Variants in RAB10 observed in about 807,000 individuals in gnomAD.
The protein encoded by RAB10 is RAB10, member RAS oncogene family, also known as ras-related protein Rab-10.
In RAB10, 5 loss-of-function variants were observed where a neutral mutation model predicts 25.7. The ratio of observed to expected loss-of-function variants is 0.19; its 90% CI spans 0.10 to 0.41. RAB10 has a LOEUF of 0.41. Among genes scored for constraint, RAB10 ranks in the 10% least tolerant of loss-of-function variants. The pLI, the probability that RAB10 is intolerant of heterozygous loss-of-function variation, is 1.00. For missense variants in RAB10, 103 were observed against 245.8 expected (o/e 0.42, Z 3.89); for synonymous variants, 89 against 86.4 (o/e 1.03, Z -0.16).
At chr2:26,092,284 TG>T (rs1226939495) in intron 1 of RAB10, among the ~76,000 whole-genome samples, 1,096 of 108,886 alleles carry the variant, frequency 0.01, 23 homozygotes, top group African/African-American at 0.042. Context: ...TGTGTGTGTG[TG>T]TGTGTGTGTG....
rs553417998 is a variant in RAB10, at chr2:26,107,222, G to A, written c.189-2546G>A. Among the ~76,000 whole-genome samples the A allele has an allele frequency of 6.8e-5, 10 of 147,694 alleles. 1 individual carries two copies. In the South Asian group the frequency reaches 2.1e-3, roughly 32 times the overall value. On this transcript the variant is annotated intron_variant, in intron 2 of 5. Coordinates refer to ENST00000264710, the MANE Select transcript of RAB10 (RefSeq NM_016131.5). ...GATCGTGCCACTACACTCCAGCCTG[G>A]GCAACAGAGCGACACCCTGTTTCAA...
At chr2:26,084,184 A>G (rs764365633) in intron 1 of RAB10, among the ~76,000 whole-genome samples, 3 of 152,200 alleles carry the variant, frequency 2.0e-5, no homozygotes, top group East Asian at 1.9e-4. Context: ...TCTTTGCTCA[A>G]ATATCTCTCA....
chr2:26,052,583 A>G (rs780564026), intron 1 of RAB10, among the ~76,000 whole-genome samples: 4 of 151,640 alleles, frequency 2.6e-5, no homozygotes, highest in Non-Finnish European at 5.9e-5. Context: ...ACCTGCCTCG[A>G]ATCTGGGGAG....
chr2:26,117,092 AC>A, intron 3 of RAB10, among the ~76,000 whole-genome samples: 1 of 152,304 alleles, frequency 6.6e-6, no homozygotes, highest in East Asian at 1.9e-4. Context: ...TAGTAGTATT[AC>A]TTGGCATATG....
chr2:26,040,487 C>T (rs1305171715), intron 1 of RAB10, among the ~76,000 whole-genome samples: 1 of 151,912 alleles, frequency 6.6e-6, no homozygotes, highest in Non-Finnish European at 1.5e-5. Context: ...AACATAGACC[C>T]CATCTCTGCA....
chr2:26,125,424 C>A (rs1234342653), intron 3 of RAB10, among the ~76,000 whole-genome samples: 3 of 146,544 alleles, frequency 2.0e-5, no homozygotes, highest in Non-Finnish European at 3.0e-5. Context: ...CTATTCAAAT[C>A]CTTTGCTTGC....
At chr2:26,084,591 G>A (rs1045757851) in intron 1 of RAB10, among the ~76,000 whole-genome samples, 1 of 152,170 alleles carries the variant, frequency 6.6e-6, no homozygotes, top group East Asian at 1.9e-4. Flanking sequence ...GATTGCAGCA[G>A]TATGTCCCAG....
intron 3 of RAB10, among the ~76,000 whole-genome samples, chr2:26,112,135 C>A (rs1228887437): frequency 6.6e-6 from 1 of 152,232 alleles, no homozygotes; most frequent in Non-Finnish European, 1.5e-5. Context: ...TACGCCACCT[C>A]TCCCAGCACC....
At position 26,116,550 on chromosome 2, in the gene RAB10, T is replaced by G. The variant is rs796123958; in HGVS notation, c.327+6644T>G. 3.1e-3 allele frequency among the ~76,000 whole-genome samples: 23 copies of G among 7,352 alleles called. No individual in the cohort carries two copies. The South Asian group carries it at 0.047, about 15-fold the overall frequency. The allele number at this position is 7,352 out of a possible 152,430, so 4.8% of individuals were successfully genotyped here. ...TCTTTTCTTTCTTTCTGTCTTGTGT[T>G]TTTTTTTTTTTTTTTTTTTTTTTTG... On this transcript the variant is annotated intron_variant, in intron 3 of 5. Coordinates refer to ENST00000264710, the MANE Select transcript of RAB10 (RefSeq NM_016131.5).
intron 1 of RAB10, among the ~76,000 whole-genome samples, chr2:26,085,057 A>C (rs1042044176): frequency 6.6e-6 from 1 of 152,210 alleles, no homozygotes; most frequent in Non-Finnish European, 1.5e-5. Flanking sequence ...AGAATTTTTC[A>C]GTATCAAGGA....
Position 26,088,389 on chromosome 2 carries a change from A to G in RAB10, c.128-10273A>G, listed in dbSNP as rs75814238. Among the ~76,000 whole-genome samples, 952 of 152,302 alleles carry G rather than the reference A, an allele frequency of 6.3e-3. 3 individuals are homozygous for G. The highest frequency in any genetic ancestry group is 0.022 in the African/African-American group (918 of 41,560). On this transcript the variant is annotated intron_variant, in intron 1 of 5. Transcript: ENST00000264710. ...TGAGAATTTCCTTTAGTGTGTTTTT[A>G]CATAAGCAAAACCAAAAAAGGAATC...
chr2:26,127,043 A>G (rs924674833), intron 3 of RAB10, 101 bp from the exon 4 acceptor site: 1 of 865,110 alleles, frequency 1.2e-6, no homozygotes, highest in Non-Finnish European at 1.8e-6. Context: ...CTTCAAAGCT[A>G]TAGAAATGAC....
At chr2:26,067,527 G>A (rs1268310836) in intron 1 of RAB10, among the ~76,000 whole-genome samples, 1 of 152,114 alleles carries the variant, frequency 6.6e-6, no homozygotes, top group African/African-American at 2.4e-5. Context: ...GATGGATGGG[G>A]GCAACAGCCT....
chr2:26,103,393 T>G (rs1278855517), intron 2 of RAB10, among the ~76,000 whole-genome samples: 2 of 152,206 alleles, frequency 1.3e-5, no homozygotes, highest in Non-Finnish European at 2.9e-5. Flanking sequence ...TAAAAATGGT[T>G]TCTAGTGATT....
intron 2 of RAB10, among the ~76,000 whole-genome samples, chr2:26,105,720 G>A (rs1667453067): frequency 6.6e-6 from 1 of 152,150 alleles, no homozygotes; most frequent in Admixed American, 6.5e-5. Context: ...GTCATACAGT[G>A]CATAATGATA....
At chr2:26,125,031 T>G (rs1667878504) in intron 3 of RAB10, among the ~76,000 whole-genome samples, 1 of 152,246 alleles carries the variant, frequency 6.6e-6, no homozygotes, top group Non-Finnish European at 1.5e-5. Flanking sequence ...TGGGTTGTTT[T>G]CACCCTTTTA....
chr2:26,103,670 T>C (rs921702653), intron 2 of RAB10, among the ~76,000 whole-genome samples: 16 of 152,186 alleles, frequency 1.1e-4, no homozygotes, highest in African/African-American at 3.9e-4. Context: ...CACAAATTTG[T>C]ACAACCATCG....
At chr2:26,077,261 G>A (rs1666758955) in intron 1 of RAB10, among the ~76,000 whole-genome samples, 1 of 152,080 alleles carries the variant, frequency 6.6e-6, no homozygotes, top group South Asian at 2.1e-4. Context: ...AGATATTAAA[G>A]GAAATTTTAA....
chr2:26,100,999 A>G (rs553217688), intron 2 of RAB10, among the ~76,000 whole-genome samples: 3 of 152,270 alleles, frequency 2.0e-5, no homozygotes, highest in African/African-American at 7.2e-5. Context: ...TGGGGTAAGG[A>G]TGAGGGAGGA....
Sources: allele counts gnomAD v4.1 joint callset (sites outside exome capture counted in the v4.1 genomes callset), GRCh38; gene constraint gnomAD v4.1.1; transcripts MANE v1.5; gene names NCBI Gene and HGNC (gene_info 2026-07-23, HGNC 2026-07-21).